The following PRKAG3 variants were observed in gnomAD, a reference collection of about 807,000 sequenced individuals.
The protein encoded by PRKAG3 is protein kinase AMP-activated non-catalytic subunit gamma 3.
Under a neutral mutation model 56.5 loss-of-function variants are expected in PRKAG3, and 39 were observed. The ratio of observed to expected loss-of-function variants is 0.69; its 90% CI spans 0.53 to 0.90. The LOEUF (loss-of-function observed/expected upper bound fraction) is 0.90. PRKAG3 is among the 40% of genes least tolerant of loss of function. The pLI is 0.00. For synonymous variants in PRKAG3, 243 were observed against 250.1 expected (o/e 0.97, Z 0.27); for missense variants, 628 against 627.5 (o/e 1.00, Z -0.01).
intron 10 of PRKAG3, 78 bp downstream of exon 10, chr2:218,826,850 C>A: frequency 6.4e-7 from 1 of 1,573,992 alleles, no homozygotes; most frequent in Non-Finnish European, 8.7e-7. Flanking sequence ...ATGAGAAACC[C>A]TGCCCTTCCC....
intron 12 of PRKAG3, 128 bp from the exon 13 acceptor site, chr2:218,824,006 T>G (rs975832790): frequency 8.2e-7 from 1 of 1,224,054 alleles, no homozygotes; most frequent in African/African-American, 1.5e-5. Context: ...AGAAACCAGT[T>G]AGGGATGGTG....
chr2:218,828,628 G>C, intron 4 of PRKAG3, 28 bp from the exon 5 acceptor site: 1 of 1,599,742 alleles, frequency 6.3e-7, no homozygotes, highest in African/African-American at 1.3e-5. Flanking sequence ...ACAGTCAAGG[G>C]TGGGTCCCGA....
intron 3 of PRKAG3, 143 bp from the exon 4 acceptor site, chr2:218,830,524 C>G (rs935964590): frequency 9.9e-6 from 12 of 1,216,718 alleles, no homozygotes; most frequent in East Asian, 7.5e-5. Flanking sequence ...ACCTGAGAGT[C>G]GCCCCAGGTA....
In PRKAG3 at chr2:218,830,291, AC is replaced by A. The variant is rs539378622; in HGVS notation, c.319del (p.Val107TrpfsTer43). The A allele has an allele frequency of 5.3e-5, 85 of 1,613,250 alleles. No individual in the cohort carries two copies. The highest frequency in any genetic ancestry group is 7.0e-5 in the Non-Finnish European group (82 of 1,179,622). ...GTCCCACCCTGTTGGTGGAGTGCCC[AC>A]CCCGGCAGGATCAGCTTGAGCCAAG... On this transcript the variant is annotated frameshift_variant, in exon 4 of 13. Transcript: ENST00000529249. LOFTEE classifies it high-confidence loss of function.
At chr2:218,831,470 A>C (rs1944018609) in intron 1 of PRKAG3, 95 bp from the exon 2 acceptor site, 11 of 1,181,778 alleles carry the variant, frequency 9.3e-6, no homozygotes, top group Non-Finnish European at 1.3e-5. Flanking sequence ...CATGCACACC[A>C]ATACACACGC....
intron 12 of PRKAG3, 95 bp from the exon 13 acceptor site, chr2:218,823,973 G>T: frequency 7.6e-7 from 1 of 1,321,042 alleles, no homozygotes; most frequent in Non-Finnish European, 1.1e-6. Context: ...AACCCAACAT[G>T]ACTGAGGGAG....
chr2:218,828,988 A>G (rs1943978196), intron 4 of PRKAG3, among the ~76,000 whole-genome samples: 2 of 152,212 alleles, frequency 1.3e-5, no homozygotes, highest in Admixed American at 6.5e-5. Flanking sequence ...GCATATTTAC[A>G]TACTTTTTTT....
chr2:218,828,952 G>A (rs1315082701), intron 4 of PRKAG3, among the ~76,000 whole-genome samples: 1 of 152,182 alleles, frequency 6.6e-6, no homozygotes, highest in Admixed American at 6.5e-5. Flanking sequence ...CTAAGTACCG[G>A]AGGCATAGTT....
intron 1 of PRKAG3, 150 bp downstream of exon 1, chr2:218,831,588 T>A: frequency 8.9e-7 from 1 of 1,122,936 alleles, no homozygotes; most frequent in South Asian, 1.4e-5. Flanking sequence ...ACAATACATA[T>A]GCCCAAACAT....
chr2:218,826,951 G>A (rs147447071), exon 10 of PRKAG3: 20 of 1,614,042 alleles, frequency 1.2e-5, no homozygotes, highest in Non-Finnish European at 1.5e-5. Context: ...CACAGGCAGT[G>A]CAGACACACG....
At chr2:218,831,223 A>C (rs1238352101) in intron 2 of PRKAG3, 113 bp downstream of exon 2, 1 of 845,660 alleles carries the variant, frequency 1.2e-6, no homozygotes, top group East Asian at 2.6e-5. Flanking sequence ...AGGAAGAAAG[A>C]CCAAAAGGAG....
downstream of PRKAG3, chr2:218,823,177 G>T: frequency 1.8e-6 from 1 of 552,406 alleles, no homozygotes; most frequent in South Asian, 7.0e-5. Flanking sequence ...TGGAATCTGT[G>T]CCCATCCTCT....
chr2:218,831,377 T>G lies in PRKAG3; in HGVS notation c.34-2A>C. ...CCCAAGGCTGCTCCAGGAAGGGGTC[T>G]GTGGGGAGAAGAGTTTCTGAAGGAG... is the stretch of plus-strand genomic sequence containing the variant. On this transcript the variant is annotated splice_acceptor_variant, in intron 1 of 12. Coordinates refer to ENST00000529249, the Ensembl canonical transcript of PRKAG3. LOFTEE classifies it high-confidence loss of function. The G allele has an allele frequency of 6.2e-7, 1 of 1,601,242 alleles. No homozygotes were observed. The highest frequency in any genetic ancestry group is 2.2e-5 in the East Asian group (1 of 44,662).
chr2:218,830,318 G>A lies in PRKAG3; in HGVS notation c.293C>T (p.Pro98Leu), dbSNP rs753417122. The change falls in exon 4 of 13, where the codon CCC becomes CTC. Residue 98 changes from proline (P) to leucine (L), a missense_variant. Coordinates refer to ENST00000529249, the Ensembl canonical transcript of PRKAG3. ...CCCGGCAGGATCAGCTTGAGCCAAGGGTGTGGTCTTGGGGAATGTGGCCTC... is the reference window on the plus strand; with the variant it reads ...CCCGGCAGGATCAGCTTGAGCCAAGAGTGTGGTCTTGGGGAATGTGGCCTC... 10 of 1,612,180 alleles carry A rather than the reference G, an allele frequency of 6.2e-6. No individual in the cohort carries two copies. The South Asian group carries it at 8.8e-5, about 14-fold the overall frequency.
chr2:218,830,170 A>G (rs1419041265), exon 4 of PRKAG3: 27 of 1,614,026 alleles, frequency 1.7e-5, no homozygotes, highest in African/African-American at 2.7e-5. Context: ...CTTCTAGCTC[A>G]CACTCCCAGG....
At position 218,827,012 on chromosome 2, in the gene PRKAG3, C is replaced by A. The variant is rs1456961589; in HGVS notation, c.1084G>T (p.Val362Leu). The A allele has an allele frequency of 2.5e-6, 4 of 1,614,138 alleles. No individual in the cohort carries two copies. Among genetic ancestry groups the A allele is most frequent in the Non-Finnish European group, 3.4e-6 (4 of 1,180,044 alleles). ...GTCAGGATGGGTGCTGTCTCCAGCA[C>A]CACAGCCAAGTCTCGGAATGTGCCG... The change falls in exon 10 of 13, where the codon GTG becomes TTG. Residue 362 changes from valine (V) to leucine (L), a missense_variant. Coordinates refer to ENST00000529249, the Ensembl canonical transcript of PRKAG3. This position sits in a 1 kb window ranked among gnomAD's most constrained non-coding sequence, Gnocchi z 5.3.
In PRKAG3 at chr2:218,827,399, CG is replaced by C. The variant is rs1559397739; in HGVS notation, c.876-27del. On this transcript the variant is annotated intron_variant, in intron 8 of 12. Coordinates refer to ENST00000529249, the Ensembl canonical transcript of PRKAG3. The surrounding 1 kb of genome is among the most constrained non-coding windows in gnomAD (Gnocchi z 5.3). ...CTGCAGAGATGGGAGCAGTGAGCCTCGGGGCAGCCTAGGGAGAGACAACCTC... is the reference window on the plus strand; with the variant it reads ...CTGCAGAGATGGGAGCAGTGAGCCTCGGGCAGCCTAGGGAGAGACAACCTC... 6.2e-7 allele frequency: 1 copy of C among 1,613,920 alleles called. No homozygotes were observed. Among genetic ancestry groups the C allele is most frequent in the East Asian group, 2.2e-5 (1 of 44,878 alleles).
intron 4 of PRKAG3, 143 bp downstream of exon 4, chr2:218,829,835 G>T: frequency 2.2e-6 from 2 of 918,428 alleles, no homozygotes; most frequent in Non-Finnish European, 1.7e-6. Flanking sequence ...CCCCCAACTG[G>T]CCTCCATAGT....
chr2:218,831,523 C>T, intron 1 of PRKAG3, 148 bp from the exon 2 acceptor site: 1 of 959,362 alleles, frequency 1.0e-6, no homozygotes. Context: ...TACACAAACA[C>T]ACACAGAAAC....
Sources: gnomAD v4.1 joint callset for allele counts (sites outside exome capture counted in the v4.1 genomes callset) on GRCh38, gnomAD v4.1.1 for gene constraint, Gnocchi (gnomAD v3.1) non-coding constraint, MANE v1.5 for transcripts, NCBI Gene and HGNC (gene_info 2026-07-23, HGNC 2026-07-21) for gene names.